GRIA1: variants seen among roughly 807,000 people sequenced by gnomAD.
GRIA1 encodes glutamate ionotropic receptor AMPA type subunit 1.
GRIA1 carries 31 observed loss-of-function variants against 99.2 expected under a neutral mutation model. The observed-to-expected ratio is 0.31, with a 90% CI of 0.23 to 0.42. The LOEUF (loss-of-function observed/expected upper bound fraction) is 0.42, where lower values mean the gene tolerates loss of function less well. GRIA1 is among the 10% of genes least tolerant of loss of function. The pLI is 1.00. For missense variants in GRIA1, 782 were observed against 1,157.5 expected (o/e 0.68, Z 4.71); for synonymous variants, 438 against 432.4 (o/e 1.01, Z -0.16).
intron 2 of GRIA1, among the ~76,000 whole-genome samples, chr5:153,549,832 A>G (rs1196508539): frequency 6.6e-6 from 1 of 152,164 alleles, no homozygotes; most frequent in Non-Finnish European, 1.5e-5. Flanking sequence ...CTGCATTCCA[A>G]AACTGCCTTC....
chr5:153,605,081 G>A (rs968861479), intron 2 of GRIA1, among the ~76,000 whole-genome samples: 8 of 152,028 alleles, frequency 5.3e-5, no homozygotes, highest in Admixed American at 1.3e-4. Context: ...CAGCTACTAG[G>A]GAGGCTGAGA....
chr5:153,753,371 A>G (rs1762615875), intron 11 of GRIA1, among the ~76,000 whole-genome samples: 2 of 152,258 alleles, frequency 1.3e-5, no homozygotes, highest in Non-Finnish European at 2.9e-5. Flanking sequence ...TGAAGAAGTC[A>G]GTGCTGCTGA....
At chr5:153,726,225 G>T (rs917227660) in intron 11 of GRIA1, among the ~76,000 whole-genome samples, 11 of 149,300 alleles carry the variant, frequency 7.4e-5, no homozygotes, top group Non-Finnish European at 1.0e-4. Context: ...AGAATCTCTG[G>T]GACGCATTCA....
intron 13 of GRIA1, among the ~76,000 whole-genome samples, chr5:153,790,681 C>T (rs542695705): frequency 6.6e-6 from 1 of 152,272 alleles, no homozygotes; most frequent in South Asian, 2.1e-4. Context: ...ATTATTTGAA[C>T]ATCTTTACTT....
intron 2 of GRIA1, among the ~76,000 whole-genome samples, chr5:153,607,065 ATAT>A (rs1765512057): frequency 6.8e-6 from 1 of 147,400 alleles, no homozygotes; most frequent in African/African-American, 2.5e-5. Context: ...ATATATATAT[ATAT>A]AATCACAGTT....
At chr5:153,798,650 C>T (rs910165969) in intron 14 of GRIA1, among the ~76,000 whole-genome samples, 2 of 152,224 alleles carry the variant, frequency 1.3e-5, no homozygotes, top group African/African-American at 4.8e-5. Flanking sequence ...GTGGAAGTCA[C>T]TGGTCTGACG....
intron 2 of GRIA1, 182 bp downstream of exon 2, chr5:153,494,247 C>T (rs1754204049): frequency 1.7e-6 from 1 of 599,936 alleles, no homozygotes; most frequent in Non-Finnish European, 2.9e-6. Flanking sequence ...ATTTTAGCCC[C>T]TGCAATGCTT....
chr5:153,524,396 T>C (rs1757425421), intron 2 of GRIA1, among the ~76,000 whole-genome samples: 1 of 152,048 alleles, frequency 6.6e-6, no homozygotes, highest in African/African-American at 2.4e-5. Context: ...AATGATAGAG[T>C]CTGAAGATTA....
chr5:153,632,705 G>A (rs970146530), intron 2 of GRIA1, among the ~76,000 whole-genome samples: 73 of 152,104 alleles, frequency 4.8e-4, no homozygotes, highest in African/African-American at 1.7e-3. Context: ...TCAATAAACC[G>A]TTATTGAACA....
At chr5:153,526,327 C>T (rs1006928476) in intron 2 of GRIA1, among the ~76,000 whole-genome samples, 1 of 152,142 alleles carries the variant, frequency 6.6e-6, no homozygotes, top group Non-Finnish European at 1.5e-5. Context: ...TTTATAACTG[C>T]AGCATATCAG....
chr5:153,747,033 T>C (rs1172725442), intron 11 of GRIA1, among the ~76,000 whole-genome samples: 1 of 152,212 alleles, frequency 6.6e-6, no homozygotes, highest in Non-Finnish European at 1.5e-5. Context: ...TCACTCTGAA[T>C]CTGTTTCCTC....
intron 11 of GRIA1, among the ~76,000 whole-genome samples, chr5:153,731,243 TC>T (rs1561810076): frequency 1.3e-5 from 2 of 151,834 alleles, no homozygotes; most frequent in African/African-American, 4.8e-5. Flanking sequence ...TCTCTCTCTC[TC>T]CATCTTCATC....
intron 2 of GRIA1, among the ~76,000 whole-genome samples, chr5:153,515,957 A>C (rs1220542548): frequency 6.6e-6 from 1 of 152,180 alleles, no homozygotes; most frequent in Non-Finnish European, 1.5e-5. Context: ...GTGGTGGCTC[A>C]CACCTGTAAT....
Position 153,722,799 on chromosome 5 carries a change from C to A in GRIA1, c.1823+16732C>A, listed in dbSNP as rs1350666136. On this transcript the variant is annotated intron_variant, in intron 11 of 15. Coordinates refer to ENST00000285900, the MANE Select transcript of GRIA1 (RefSeq NM_000827.4). ...AGAAGGGATTCTCTTCACATAGAGA[C>A]TCCTACGAGAAAATGTCTGCAGTGT... is the stretch of plus-strand genomic sequence containing the variant. Among the ~76,000 whole-genome samples, 4 of 152,170 alleles carry A rather than the reference C, an allele frequency of 2.6e-5. No individual in the cohort carries two copies. The East Asian group carries it at 7.7e-4, about 29-fold the overall frequency.
At chr5:153,736,184 A>T (rs1761367092) in intron 11 of GRIA1, among the ~76,000 whole-genome samples, 1 of 152,232 alleles carries the variant, frequency 6.6e-6, no homozygotes, top group Non-Finnish European at 1.5e-5. Flanking sequence ...TTACAAAAAC[A>T]CAGGAAAGTC....
At chr5:153,511,753 C>A (rs1244878183) in intron 2 of GRIA1, among the ~76,000 whole-genome samples, 1 of 152,226 alleles carries the variant, frequency 6.6e-6, no homozygotes, top group African/African-American at 2.4e-5. Context: ...GCCTCCTACT[C>A]TTCCAGGCTC....
intron 5 of GRIA1, among the ~76,000 whole-genome samples, chr5:153,663,269 G>C (rs1755503347): frequency 6.6e-6 from 1 of 152,200 alleles, no homozygotes; most frequent in Admixed American, 6.5e-5. Flanking sequence ...CTTTTGTAAA[G>C]TCATTTGACT....
chr5:153,769,826 A>T (rs187498757), intron 12 of GRIA1, among the ~76,000 whole-genome samples: 4 of 152,198 alleles, frequency 2.6e-5, no homozygotes, highest in South Asian at 2.1e-4. Flanking sequence ...GTTAGTATAA[A>T]TATGGCCTTA....
chr5:153,722,385 ACTT>A (rs1760136222), intron 11 of GRIA1, among the ~76,000 whole-genome samples: 1 of 152,148 alleles, frequency 6.6e-6, no homozygotes, highest in African/African-American at 2.4e-5. Context: ...GCTTAAGAAG[ACTT>A]TACCTACCTC....
Sources: gnomAD v4.1 joint callset for allele counts (sites outside exome capture counted in the v4.1 genomes callset) on GRCh38, gnomAD v4.1.1 for gene constraint, MANE v1.5 for transcripts, NCBI Gene and HGNC (gene_info 2026-07-23, HGNC 2026-07-21) for gene names.